Variants in ELOVL6 observed in about 807,000 individuals in gnomAD.
ELOVL6 encodes very long chain fatty acid elongase 6.
A neutral mutation model predicts 31.7 loss-of-function variants in ELOVL6; 8 were observed. The observed-to-expected ratio is 0.25, with a 90% CI of 0.15 to 0.45. The LOEUF (loss-of-function observed/expected upper bound fraction) is 0.45, where lower values mean the gene tolerates loss of function less well. Among genes scored for constraint, ELOVL6 ranks in the 20% least tolerant of loss-of-function variants. The pLI is 1.00. For synonymous variants in ELOVL6, 101 were observed against 117.7 expected, an observed-to-expected ratio of 0.86 and a Z score of 0.92; for missense variants, 126 against 326.4, an observed-to-expected ratio of 0.39 and a Z score of 4.73.
chr4:110,191,703 G>A (rs112453500), intron 1 of ELOVL6, among the ~76,000 whole-genome samples: 2,433 of 152,212 alleles, frequency 0.016, 43 homozygotes, highest in Non-Finnish European at 0.023. Flanking sequence ...CTGATTAGAT[G>A]GGGGGCCGGG....
rs957882514 is a variant in ELOVL6 at position 110,046,537 on chromosome 4, T to C, written c.*4801A>G. 1 of 152,234 alleles carries C rather than the reference T, an allele frequency of 6.6e-6. No individual in the cohort carries two copies. Among genetic ancestry groups the C allele is most frequent in the Non-Finnish European group, 1.5e-5 (1 of 68,058 alleles). 9.4% of individuals were successfully genotyped at this position (152,234 alleles called of 1,614,324 possible). A position where few individuals can be genotyped will look rare whatever the true frequency, so the allele number is the denominator to read the frequency against. On this transcript the variant is annotated 3_prime_UTR_variant, in exon 4 of 4. Coordinates refer to ENST00000302274, the MANE Select transcript of ELOVL6 (RefSeq NM_024090.3). The stretch of plus-strand genomic sequence containing the variant: ...ATCAGGAGGAAGGGAAGCCTGAGAA[T>C]TCCCCCTGCCATCTGTGAGCTCTGA...
At chr4:110,122,295 G>A (rs1757378386) in intron 1 of ELOVL6, among the ~76,000 whole-genome samples, 1 of 152,050 alleles carries the variant, frequency 6.6e-6, no homozygotes, top group Non-Finnish European at 1.5e-5. Context: ...AATATGAATG[G>A]CATTAATATT....
Position 110,046,715 on chromosome 4 carries a change from C to T in ELOVL6, c.*4623G>A, listed in dbSNP as rs920786595. 1.3e-5 allele frequency: 2 copies of T among 152,216 alleles called. No homozygotes were observed. Among genetic ancestry groups the T allele is most frequent in the Non-Finnish European group, 2.9e-5 (2 of 68,034 alleles). The allele number at this position is 152,216 out of a possible 1,614,324, so 9.4% of individuals were successfully genotyped here. On this transcript the variant is annotated 3_prime_UTR_variant, in exon 4 of 4. Coordinates refer to ENST00000302274, the MANE Select transcript of ELOVL6 (RefSeq NM_024090.3). The stretch of plus-strand genomic sequence containing the variant: ...TGTTTATAACTGGAGTCTGTCACAA[C>T]AGCATTCAAGAAAATGCTGTGACTG...
At chr4:110,181,506 C>A (rs1428329346) in intron 1 of ELOVL6, among the ~76,000 whole-genome samples, 1 of 152,006 alleles carries the variant, frequency 6.6e-6, no homozygotes, top group African/African-American at 2.4e-5. Flanking sequence ...CTCCTCTAAC[C>A]TCTAGGGACA....
intron 2 of ELOVL6, among the ~76,000 whole-genome samples, chr4:110,063,062 G>A (rs751553625): frequency 3.3e-5 from 5 of 151,776 alleles, no homozygotes; most frequent in Non-Finnish European, 5.9e-5. Flanking sequence ...GATTTACTTC[G>A]GCTAACCCTC....
At chr4:110,157,603 G>A (rs1280793853) in intron 1 of ELOVL6, among the ~76,000 whole-genome samples, 3 of 152,050 alleles carry the variant, frequency 2.0e-5, no homozygotes, top group Non-Finnish European at 4.4e-5. Flanking sequence ...CCTGGGAGGC[G>A]GAGGTTGCAG....
intron 1 of ELOVL6, among the ~76,000 whole-genome samples, chr4:110,111,107 A>G (rs1757022196): frequency 6.6e-6 from 1 of 152,192 alleles, no homozygotes; most frequent in Non-Finnish European, 1.5e-5. Flanking sequence ...ATCCCTTTCC[A>G]GGAAAGTATA....
chr4:110,151,053 A>G (rs532868609), intron 1 of ELOVL6, among the ~76,000 whole-genome samples: 2 of 152,214 alleles, frequency 1.3e-5, no homozygotes, highest in Admixed American at 1.3e-4. Context: ...AAAAAAAAAA[A>G]AAAATTTAAA....
At chr4:110,100,153 GATTA>G (rs921682029) in intron 2 of ELOVL6, among the ~76,000 whole-genome samples, 56 of 152,226 alleles carry the variant, frequency 3.7e-4, no homozygotes, top group African/African-American at 1.3e-3. Flanking sequence ...TATTTATAAA[GATTA>G]ATTGACACCA....
At chr4:110,055,451 G>C (rs1754955626) in intron 3 of ELOVL6, among the ~76,000 whole-genome samples, 1 of 152,160 alleles carries the variant, frequency 6.6e-6, no homozygotes, top group East Asian at 1.9e-4. Context: ...CCTGGCTCAT[G>C]TTCTCTGTAT....
intron 1 of ELOVL6, among the ~76,000 whole-genome samples, chr4:110,187,852 A>T (rs1560863651): frequency 6.6e-6 from 1 of 152,190 alleles, no homozygotes; most frequent in Non-Finnish European, 1.5e-5. Flanking sequence ...AATGGAGCAA[A>T]ATAACAGTGG....
chr4:110,198,797 A>C (rs571200550), upstream of ELOVL6: 1 of 158,830 alleles, frequency 6.3e-6, no homozygotes, highest in Admixed American at 6.0e-5. Context: ...GGGCGCAGAG[A>C]GAAAGGAAGT....
At chr4:110,083,986 A>ATAT (rs1560813350) in intron 2 of ELOVL6, among the ~76,000 whole-genome samples, 166 of 60,230 alleles carry the variant, frequency 2.8e-3, no homozygotes, top group African/African-American at 6.6e-3. Context: ...TATGCCATAT[A>ATAT]CGATATATAA....
intron 1 of ELOVL6, among the ~76,000 whole-genome samples, chr4:110,148,515 T>A (rs917464278): frequency 6.6e-6 from 1 of 151,112 alleles, no homozygotes; most frequent in Non-Finnish European, 1.5e-5. Context: ...GAGGTAGGAA[T>A]GGTTAATGGG....
rs569319288 is a variant in ELOVL6, at chr4:110,195,926, T to C, written c.89+2321A>G. Reference sequence around the variant, plus strand: ...ACCATGTATATAACAGTAAAGGATATTGCCAGAAGAAAGGTACAGATAAAG... The same window carrying C: ...ACCATGTATATAACAGTAAAGGATACTGCCAGAAGAAAGGTACAGATAAAG... On this transcript the variant is annotated intron_variant, in intron 1 of 3. Coordinates refer to ENST00000302274, the MANE Select transcript of ELOVL6 (RefSeq NM_024090.3). Among the ~76,000 whole-genome samples the C allele has an allele frequency of 1.4e-4, 22 of 152,248 alleles. No homozygotes were observed. In the Middle Eastern group the frequency reaches 0.02, roughly 141 times the overall value.
At chr4:110,196,973 C>A (rs904207469) in intron 1 of ELOVL6, among the ~76,000 whole-genome samples, 5 of 152,218 alleles carry the variant, frequency 3.3e-5, no homozygotes, top group African/African-American at 1.2e-4. Flanking sequence ...ACCCCCTTTT[C>A]GCAGCTGCGG....
intron 2 of ELOVL6, among the ~76,000 whole-genome samples, chr4:110,068,459 C>A (rs1463729144): frequency 1.3e-5 from 2 of 152,170 alleles, no homozygotes; most frequent in Non-Finnish European, 2.9e-5. Flanking sequence ...TCTACGGCTG[C>A]TGTCTCAACT....
At chr4:110,113,253 C>T (rs1471578876) in intron 1 of ELOVL6, among the ~76,000 whole-genome samples, 1 of 141,056 alleles carries the variant, frequency 7.1e-6, no homozygotes, top group Non-Finnish European at 1.5e-5. Context: ...AAGAGGAAAG[C>T]TTGCCATCAC....
intron 1 of ELOVL6, among the ~76,000 whole-genome samples, chr4:110,110,917 T>C (rs1757015528): frequency 6.6e-6 from 1 of 152,250 alleles, no homozygotes; most frequent in Admixed American, 6.5e-5. Flanking sequence ...CTTCTTTGAG[T>C]TGTAAGCACT....
Sources: gnomAD v4.1 joint callset for allele counts (sites outside exome capture counted in the v4.1 genomes callset) on GRCh38, gnomAD v4.1.1 for gene constraint, MANE v1.5 for transcripts, NCBI Gene and HGNC (gene_info 2026-07-23, HGNC 2026-07-21) for gene names.